Variants in ZNF775 observed in about 807,000 individuals in gnomAD.
ZNF775 encodes zinc finger protein 775.
In ZNF775, 1 loss-of-function variant was observed where a neutral mutation model predicts 2.4. The observed-to-expected ratio is 0.41, with a 90% CI of 0.15 to 1.94. ZNF775 has a LOEUF of 1.94. Ranked by LOEUF, ZNF775 falls within the 30% of genes most tolerant of loss-of-function variation. The pLI is 0.30. For missense variants in ZNF775, 823 were observed against 826.6 expected (o/e 1.00, Z 0.05); for synonymous variants, 381 against 373.3 (o/e 1.02, Z -0.24).
At position 150,397,319 on chromosome 7, in the gene ZNF775, C is replaced by G. The variant is rs1478874766; in HGVS notation, c.838C>G (p.Gln280Glu). Residue 280 changes from glutamine (Q) to glutamate (E), a missense_variant, in exon 3 of 3, where the codon CAG becomes GAG. Coordinates refer to ENST00000329630, the MANE Select transcript of ZNF775 (RefSeq NM_173680.4). The stretch of plus-strand genomic sequence containing the variant: ...CCCCGAGGGGCCGGGCGAGCCGCGC[C>G]AGTTCATCTGCAACGAGTGTGGCAA... Reference protein sequence around the residue: ...SGPEGPGEPRQFICNECGKSF... With the variant: ...SGPEGPGEPREFICNECGKSF... 2 of 1,588,020 alleles carry G rather than the reference C, an allele frequency of 1.3e-6. No homozygotes were observed. The highest frequency in any genetic ancestry group is 1.7e-5 in the Admixed American group (1 of 59,246).
rs1324915817 is a variant in ZNF775, at chr7:150,382,807, C to T, written c.-50+3415C>T. The T allele has an allele frequency of 6.6e-6, 1 of 152,422 alleles. No individual in the cohort carries two copies. The highest frequency in any genetic ancestry group is 1.5e-5 in the Non-Finnish European group (1 of 68,154). The allele number at this position is 152,422 out of a possible 1,614,324, so 9.4% of individuals were successfully genotyped here. On this transcript the variant is annotated intron_variant, in intron 1 of 2. Transcript: ENST00000329630. The surrounding 1 kb of genome is among the most constrained non-coding windows in gnomAD (Gnocchi z 4.6). ...TCCAACGGTGACTTATGGCCCCGGC[C>T]TCCTGGCTCGATGAGGGTATGTTGC...
At chr7:150,383,162 G>C (rs1033175611) in intron 1 of ZNF775, among the ~76,000 whole-genome samples, 1 of 152,142 alleles carries the variant, frequency 6.6e-6, no homozygotes, top group Non-Finnish European at 1.5e-5. Flanking sequence ...TTTGTGTGTG[G>C]TTTAGCATTT....
intron 1 of ZNF775, among the ~76,000 whole-genome samples, chr7:150,385,715 C>T (rs539365597): frequency 9.2e-5 from 14 of 152,206 alleles, no homozygotes; most frequent in Non-Finnish European, 2.1e-4. Flanking sequence ...AAATTCACCT[C>T]ATAATTGGAG....
intron 1 of ZNF775, among the ~76,000 whole-genome samples, chr7:150,383,323 C>T (rs527641287): frequency 4.6e-5 from 7 of 152,270 alleles, no homozygotes; most frequent in Admixed American, 1.3e-4. Context: ...CCTCTTGGGT[C>T]CTCCATTGTT....
intron 1 of ZNF775, among the ~76,000 whole-genome samples, chr7:150,386,324 C>G (rs1329935742): frequency 6.6e-6 from 1 of 152,214 alleles, no homozygotes; most frequent in Non-Finnish European, 1.5e-5. Flanking sequence ...CTCAAAAAGA[C>G]AGAGATAGAG....
intron 2 of ZNF775, among the ~76,000 whole-genome samples, chr7:150,390,561 A>T (rs944843855): frequency 6.6e-6 from 1 of 152,224 alleles, no homozygotes; most frequent in Admixed American, 6.5e-5. Context: ...CAGATGATTC[A>T]TATGGTTTTT....
intron 1 of ZNF775, 59 bp downstream of exon 1, chr7:150,379,451 G>C (rs1187510149): frequency 6.6e-6 from 1 of 152,176 alleles, no homozygotes; most frequent in Non-Finnish European, 1.5e-5. Context: ...GGGGAGGGGC[G>C]GTGCGAGGGA....
intron 2 of ZNF775, among the ~76,000 whole-genome samples, chr7:150,389,880 T>C: frequency 4.4e-5 from 1 of 22,968 alleles, no homozygotes; most frequent in Admixed American, 5.2e-4. Flanking sequence ...TGTGTGTGTG[T>C]GTGTGTGTGT....
rs143401292 is a variant in ZNF775 at position 150,386,210 on chromosome 7, A to T, written c.-49-2212A>T. On this transcript the variant is annotated intron_variant, in intron 1 of 2. Coordinates refer to ENST00000329630, the MANE Select transcript of ZNF775 (RefSeq NM_173680.4). Reference sequence around the variant, plus strand: ...CTCAGCCTTCCAAAGTGCTGGGAATACAGGCATGAACCACCGTGCCCAGCC... The same window carrying T: ...CTCAGCCTTCCAAAGTGCTGGGAATTCAGGCATGAACCACCGTGCCCAGCC... Among the ~76,000 whole-genome samples, 529 of 152,300 alleles carry T rather than the reference A, an allele frequency of 3.5e-3. 4 individuals carry two copies. The highest frequency in any genetic ancestry group is 0.012 in the African/African-American group (507 of 41,560).
At chr7:150,381,069 C>T (rs112849032) in intron 1 of ZNF775, among the ~76,000 whole-genome samples, 2 of 152,256 alleles carry the variant, frequency 1.3e-5, no homozygotes, top group South Asian at 2.1e-4. Context: ...GGTTTATCCT[C>T]GGCCTTCAGC....
chr7:150,398,143 G>A lies in ZNF775; in HGVS notation c.*48G>A, dbSNP rs1800718668. The A allele has an allele frequency of 2.0e-6, 3 of 1,529,990 alleles. No individual in the cohort carries two copies. Among genetic ancestry groups the A allele is most frequent in the Non-Finnish European group, 2.6e-6 (3 of 1,144,238 alleles). The allele number at this position is 1,529,990 out of a possible 1,614,324, so 94.8% of individuals were successfully genotyped here. On this transcript the variant is annotated 3_prime_UTR_variant, in exon 3 of 3. Coordinates refer to ENST00000329630, the MANE Select transcript of ZNF775 (RefSeq NM_173680.4). ...GTGGTGGTGCGGGGGATGTTTGCGG[G>A]GTGTGTGTGGGGAGTGGGGGTGGCC...
In ZNF775 at chr7:150,397,556, C is replaced by T; in HGVS notation, c.1075C>T (p.His359Tyr). The change falls in exon 3 of 3, where the codon CAC (histidine) becomes TAC (tyrosine). Residue 359 changes from histidine (H) to tyrosine (Y), a missense_variant. Coordinates refer to ENST00000329630, the MANE Select transcript of ZNF775 (RefSeq NM_173680.4). ...KQHLLKHLRTHLPGAQAAPCP... is the reference protein window; with the variant it reads ...KQHLLKHLRTYLPGAQAAPCP... Reference sequence around the variant, plus strand: ...GCACCTGCTCAAGCACCTGCGCACGCACCTGCCCGGCGCCCAGGCTGCGCC... The same window carrying T: ...GCACCTGCTCAAGCACCTGCGCACGTACCTGCCCGGCGCCCAGGCTGCGCC... 5 of 1,526,992 alleles carry T rather than the reference C, an allele frequency of 3.3e-6. No individual in the cohort carries two copies. Among genetic ancestry groups the T allele is most frequent in the Non-Finnish European group, 3.5e-6 (4 of 1,144,612 alleles). The allele number at this position is 1,526,992 out of a possible 1,614,324, so 94.6% of individuals were successfully genotyped here.
chr7:150,386,387 CTTCTT>C (rs1465018652), intron 1 of ZNF775, among the ~76,000 whole-genome samples: 1 of 152,126 alleles, frequency 6.6e-6, no homozygotes, highest in Non-Finnish European at 1.5e-5. Flanking sequence ...GTGGGTGTCT[CTTCTT>C]CTCTTTGCAC....
rs1368967283 is a variant in ZNF775 at position 150,384,994 on chromosome 7, A to G, written c.-49-3428A>G. Among the ~76,000 whole-genome samples the G allele has an allele frequency of 1.3e-5, 2 of 152,104 alleles. No individual in the cohort carries two copies. The highest frequency in any genetic ancestry group is 2.9e-5 in the Non-Finnish European group (2 of 68,006). Reference sequence around the variant, plus strand: ...GCCCTCCTCGGTCTGAGTTCCCCTTACCAAGGTGGCTTCTCTGTCCACTAG... The same window carrying G: ...GCCCTCCTCGGTCTGAGTTCCCCTTGCCAAGGTGGCTTCTCTGTCCACTAG... On this transcript the variant is annotated intron_variant, in intron 1 of 2. Transcript: ENST00000329630. This position sits in a 1 kb window ranked among gnomAD's most constrained non-coding sequence, Gnocchi z 4.1.
chr7:150,384,911 C>T lies in ZNF775; in HGVS notation c.-49-3511C>T, dbSNP rs1350818443. On this transcript the variant is annotated intron_variant, in intron 1 of 2. Coordinates refer to ENST00000329630, the MANE Select transcript of ZNF775 (RefSeq NM_173680.4). This position sits in a 1 kb window ranked among gnomAD's most constrained non-coding sequence, Gnocchi z 4.1. ...TGTCTTTGATTTGCCTTGGGGGTCTCGCTCTGTGGAGACCCAGGCCCATCC... is the reference window on the plus strand; with the variant it reads ...TGTCTTTGATTTGCCTTGGGGGTCTTGCTCTGTGGAGACCCAGGCCCATCC... Among the ~76,000 whole-genome samples the T allele has an allele frequency of 6.6e-6, 1 of 152,262 alleles. No individual in the cohort carries two copies. Among genetic ancestry groups the T allele is most frequent in the African/African-American group, 2.4e-5 (1 of 41,544 alleles).
At chr7:150,392,362 T>C (rs1207191229) in intron 2 of ZNF775, among the ~76,000 whole-genome samples, 2 of 152,236 alleles carry the variant, frequency 1.3e-5, no homozygotes, top group Non-Finnish European at 2.9e-5. Flanking sequence ...TTGTCTATTA[T>C]GTGTACTGTA....
Position 150,397,674 on chromosome 7 carries a change from G to A in ZNF775, c.1193G>A (p.Gly398Glu). Residue 398 changes from glycine to glutamate, a missense_variant, in exon 3 of 3, where the codon GGG becomes GAG. Physicochemically the swap from Gly to Glu is moderately conservative, Grantham distance 98 (BLOSUM62 -2). Coordinates refer to ENST00000329630, the MANE Select transcript of ZNF775 (RefSeq NM_173680.4). ...GTCGCTGAGCCCGCCGTTCCGGCCG[G>A]GGAACCGGGCGACCAGCCGCAGGCC... is the stretch of plus-strand genomic sequence containing the variant. ...HAVAEPAVPA[G>E]EPGDQPQAEA... The A allele has an allele frequency of 7.5e-7, 1 of 1,333,610 alleles. No homozygotes were observed. Among genetic ancestry groups the A allele is most frequent in the South Asian group, 1.7e-5 (1 of 58,512 alleles). 82.6% of individuals were successfully genotyped at this position (1,333,610 alleles called of 1,614,324 possible). A position where few individuals can be genotyped will look rare whatever the true frequency, so the allele number is the denominator to read the frequency against.
chr7:150,398,022 A>C lies in ZNF775; in HGVS notation c.1541A>C (p.Lys514Thr). Reference protein sequence around the residue: ...CPACGRGFSQKQHLLKHQRVH... With the variant: ...CPACGRGFSQTQHLLKHQRVH... The stretch of plus-strand genomic sequence containing the variant: ...GCCTGCGGCCGCGGCTTCAGCCAGA[A>C]GCAGCACCTGCTCAAGCACCAGCGC... The change falls in exon 3 of 3, where the codon AAG becomes ACG. Residue 514 changes from lysine to threonine, a missense_variant. Physicochemically the swap from Lys to Thr is moderately conservative, Grantham distance 78. Transcript: ENST00000329630. 6.3e-7 allele frequency: 1 copy of C among 1,581,616 alleles called. No individual in the cohort carries two copies. Among genetic ancestry groups the C allele is most frequent in the African/African-American group, 1.3e-5 (1 of 74,534 alleles).
chr7:150,382,692 G>A lies in ZNF775; in HGVS notation c.-50+3300G>A, dbSNP rs1260188602. ...GCTGCACCAGGCTTGCCGGACACAG[G>A]CTCATTGTCTCTAGGGCTTTCTGTC... On this transcript the variant is annotated intron_variant, in intron 1 of 2. Coordinates refer to ENST00000329630, the MANE Select transcript of ZNF775 (RefSeq NM_173680.4). This position sits in a 1 kb window ranked among gnomAD's most constrained non-coding sequence, Gnocchi z 4.6. 1 of 152,368 alleles carries A rather than the reference G, an allele frequency of 6.6e-6. No homozygotes were observed. The highest frequency in any genetic ancestry group is 1.5e-5 in the Non-Finnish European group (1 of 68,172). 9.4% of individuals were successfully genotyped at this position (152,368 alleles called of 1,614,324 possible).
Sources: gnomAD v4.1 joint callset for allele counts (sites outside exome capture counted in the v4.1 genomes callset) on GRCh38, gnomAD v4.1.1 for gene constraint, Gnocchi (gnomAD v3.1) non-coding constraint, MANE v1.5 for transcripts, NCBI Gene and HGNC (gene_info 2026-07-23, HGNC 2026-07-21) for gene names.